The following PLEKHA6 variants were observed in gnomAD, a reference collection of about 807,000 sequenced individuals.
The protein encoded by PLEKHA6 is pleckstrin homology domain-containing family A member 6.
PLEKHA6 carries 60 observed loss-of-function variants against 116.7 expected under a neutral mutation model. The ratio of observed to expected loss-of-function variants is 0.51; its 90% CI spans 0.42 to 0.64. The LOEUF is 0.64. Ranked by LOEUF, PLEKHA6 falls within the 30% of genes least tolerant of loss-of-function variation. PLEKHA6 has a pLI of 0.00. For missense variants in PLEKHA6, 1,338 were observed against 1,422.7 expected (o/e 0.94, Z 0.96); for synonymous variants, 489 against 556.1 (o/e 0.88, Z 1.70).
chr1:204,245,861 C>T lies in PLEKHA6; in HGVS notation c.1921-135G>A, dbSNP rs1663589465. 2.3e-5 allele frequency: 14 copies of T among 601,390 alleles called. No individual in the cohort carries two copies. In the South Asian group the frequency reaches 2.4e-4, roughly 10 times the overall value. 37.3% of individuals were successfully genotyped at this position (601,390 alleles called of 1,614,324 possible). On this transcript the variant is annotated intron_variant, in intron 13 of 22. Coordinates refer to ENST00000272203, the MANE Select transcript of PLEKHA6 (RefSeq NM_014935.5). ...GGCACCCTGTGTACACACACACACA[C>T]ACACACACACACACACATGCCCCTC...
In PLEKHA6 at chr1:204,261,630, C is replaced by T. The variant is rs191521696; in HGVS notation, c.382-182G>A. 4.8e-5 allele frequency: 31 copies of T among 648,534 alleles called. No individual in the cohort carries two copies. Among genetic ancestry groups the T allele is most frequent in the Middle Eastern group, 4.3e-4 (1 of 2,310 alleles). 40.2% of individuals were successfully genotyped at this position (648,534 alleles called of 1,614,324 possible). ...TGAAGAGGGCAGCTTGCAGCTACCC[C>T]GAGGGTTCCAGCTGGTACCCACGTA... On this transcript the variant is annotated intron_variant, in intron 6 of 22. Coordinates refer to ENST00000272203, the MANE Select transcript of PLEKHA6 (RefSeq NM_014935.5). This position sits in a 1 kb window ranked among gnomAD's most constrained non-coding sequence, Gnocchi z 4.0.
chr1:204,333,035 C>G (rs1001012594), intron 1 of PLEKHA6, among the ~76,000 whole-genome samples: 1 of 152,222 alleles, frequency 6.6e-6, no homozygotes, highest in Non-Finnish European at 1.5e-5. Context: ...TTAGGCTCTG[C>G]AATGCCTCCG....
upstream of PLEKHA6, among the ~76,000 whole-genome samples, chr1:204,360,334 C>T (rs1043477959): frequency 1.3e-5 from 2 of 152,134 alleles, no homozygotes. Context: ...GGGCACGTCT[C>T]TAGGTGTCAA....
rs60462965 is a variant in PLEKHA6, at chr1:204,253,902, G to A, written c.1525-3288C>T. ...AAAAGGAATAATACCCTTTATCCAT[G>A]AGGGAGTCTTCTGGAAGGCTAGTTC... On this transcript the variant is annotated intron_variant, in intron 9 of 22. Coordinates refer to ENST00000272203, the MANE Select transcript of PLEKHA6 (RefSeq NM_014935.5). Among the ~76,000 whole-genome samples, 771 of 152,068 alleles carry A rather than the reference G, an allele frequency of 5.1e-3. 2 individuals carry two copies. The highest frequency in any genetic ancestry group is 0.014 in the Middle Eastern group (4 of 294).
In PLEKHA6 at chr1:204,259,979, C is replaced by T. The variant is rs1447575871; in HGVS notation, c.525-239G>A. Among the ~76,000 whole-genome samples the T allele has an allele frequency of 1.3e-5, 2 of 152,102 alleles. No individual in the cohort carries two copies. Among genetic ancestry groups the T allele is most frequent in the Non-Finnish European group, 2.9e-5 (2 of 68,020 alleles). ...CCCACACCTGCTGTGTTAACTCTGC[C>T]CCCCACGTCTTCTCTGCAGGTCATT... On this transcript the variant is annotated intron_variant, in intron 7 of 22. Transcript: ENST00000272203. The surrounding 1 kb of genome is among the most constrained non-coding windows in gnomAD (Gnocchi z 4.6).
chr1:204,264,942 C>T lies in PLEKHA6; in HGVS notation c.381G>A (p.Lys127=), dbSNP rs545396144. The T allele has an allele frequency of 4.7e-5, 76 of 1,611,778 alleles. 1 individual carries two copies. The South Asian group carries it at 7.4e-4, about 16-fold the overall frequency. Residue 127 remains lysine (K), a splice_region_variant and synonymous_variant, in exon 6 of 23, where the codon AAG becomes AAA. Coordinates refer to ENST00000272203, the MANE Select transcript of PLEKHA6 (RefSeq NM_014935.5). ...SDNISRKHTF[K]AEHAGVRTYF... ...CCCTGGGAAGGGAAGGCCAACTGAC[C>T]TTAAACGTGTGTTTCCGGCTGATGT...
At chr1:204,316,042 T>G (rs1671844652) in intron 1 of PLEKHA6, among the ~76,000 whole-genome samples, 2 of 152,210 alleles carry the variant, frequency 1.3e-5, no homozygotes, top group African/African-American at 2.4e-5. Flanking sequence ...TAAATGAAGC[T>G]GGACGGGTAT....
intron 1 of PLEKHA6, among the ~76,000 whole-genome samples, chr1:204,294,744 C>T (rs556957281): frequency 6.6e-6 from 1 of 152,294 alleles, no homozygotes; most frequent in East Asian, 1.9e-4. Context: ...TGCTTTCATT[C>T]CCCCATCTGT....
At chr1:204,344,244 G>A (rs1672948315) in intron 1 of PLEKHA6, among the ~76,000 whole-genome samples, 1 of 152,156 alleles carries the variant, frequency 6.6e-6, no homozygotes, top group Non-Finnish European at 1.5e-5. Context: ...TCTCTCCTGA[G>A]GTTCTTGTGG....
chr1:204,254,687 T>G (rs913091939), intron 9 of PLEKHA6, among the ~76,000 whole-genome samples: 1 of 152,110 alleles, frequency 6.6e-6, no homozygotes, highest in Non-Finnish European at 1.5e-5. Context: ...ATAGTGAAGA[T>G]TAAATGAGTT....
intron 13 of PLEKHA6, 23 bp from the exon 14 acceptor site, chr1:204,245,749 C>A (rs1284529554): frequency 6.6e-7 from 1 of 1,522,224 alleles, no homozygotes; most frequent in Non-Finnish European, 9.1e-7. Flanking sequence ...CACAGTGAGT[C>A]AAAGGAAATG....
chr1:204,344,455 C>G (rs1672958305), intron 1 of PLEKHA6, among the ~76,000 whole-genome samples: 1 of 151,948 alleles, frequency 6.6e-6, no homozygotes, highest in South Asian at 2.1e-4. Flanking sequence ...CAAAAATAAG[C>G]TGGACGTGGT....
chr1:204,261,405 C>T lies in PLEKHA6; in HGVS notation c.425G>A (p.Ser142Asn). Residue 142 changes from serine to asparagine, a missense_variant, in exon 7 of 23, where the codon AGC becomes AAC. Ser to Asn is a conservative substitution (Grantham distance 46, BLOSUM62 1). Around this residue, in one of 3 missense-constraint regions of PLEKHA6, gnomAD observed 140 missense variants for 197.4 expected, o/e 0.71. Transcript: ENST00000272203. The surrounding 1 kb of genome is among the most constrained non-coding windows in gnomAD (Gnocchi z 4.0). ...GVRTYFFSAE[S>N]PEEQEAWIQA... is the part of the protein sequence containing the mutation. ...GATCCAGGCCTCTTGCTCCTCGGGG[C>T]TCTCGGCACTGAAGAAGTAGGTGCG... 6.2e-7 allele frequency: 1 copy of T among 1,613,956 alleles called. No homozygotes were observed. The highest frequency in any genetic ancestry group is 1.6e-4 in the Middle Eastern group (1 of 6,062).
chr1:204,335,746 G>A lies in PLEKHA6; in HGVS notation c.-95+23948C>T, dbSNP rs375253137. ...GTCTGGGCAGTAAATGCTGAGCCCC[G>A]GGGGAGTGAAAGGGCCAGCTGCTCT... On this transcript the variant is annotated intron_variant, in intron 1 of 22. Coordinates refer to ENST00000272203, the MANE Select transcript of PLEKHA6 (RefSeq NM_014935.5). Among the ~76,000 whole-genome samples, 12 of 152,066 alleles carry A rather than the reference G, an allele frequency of 7.9e-5. No homozygotes were observed. In the South Asian group the frequency reaches 8.3e-4, roughly 11 times the overall value.
chr1:204,328,492 G>T (rs540774130), intron 1 of PLEKHA6, among the ~76,000 whole-genome samples: 1 of 150,730 alleles, frequency 6.6e-6, no homozygotes, highest in Admixed American at 6.6e-5. Context: ...TGCCTCTCGG[G>T]TTTCCCTGCC....
At chr1:204,362,506 A>T (rs1673580580), upstream of PLEKHA6, among the ~76,000 whole-genome samples, 1 of 151,996 alleles carries the variant, frequency 6.6e-6, no homozygotes, top group African/African-American at 2.4e-5. Flanking sequence ...GTGGCCACTA[A>T]CTTGACTGGC....
At chr1:204,317,195 A>T in intron 1 of PLEKHA6, 1 of 929,194 alleles carries the variant, frequency 1.1e-6, no homozygotes, top group Non-Finnish European at 1.3e-6. Flanking sequence ...AGTTAAGCAT[A>T]GGGTACTGCT....
At chr1:204,376,591 A>G (rs1230376820) in intron 1 of PLEKHA6, among the ~76,000 whole-genome samples, 1 of 152,264 alleles carries the variant, frequency 6.6e-6, no homozygotes, top group Non-Finnish European at 1.5e-5. Context: ...GAGCCCCTGC[A>G]AAGGCAGTTT....
At chr1:204,253,882 G>T (rs900378513) in intron 9 of PLEKHA6, among the ~76,000 whole-genome samples, 2 of 151,556 alleles carry the variant, frequency 1.3e-5, no homozygotes, top group African/African-American at 4.8e-5. Flanking sequence ...AAACAAAAAG[G>T]AATAATACCC....
Sources: gnomAD v4.1 joint callset for allele counts (sites outside exome capture counted in the v4.1 genomes callset) on GRCh38, gnomAD v4.1.1 for gene constraint, gnomAD v4.1.1 regional missense constraint, Gnocchi (gnomAD v3.1) non-coding constraint, MANE v1.5 for transcripts, NCBI Gene and HGNC (gene_info 2026-07-23, HGNC 2026-07-21) for gene names.